The following ITFG1 variants were observed in gnomAD, a reference collection of about 807,000 sequenced individuals.
ITFG1 encodes T-cell immunomodulatory protein.
Under a neutral mutation model 81.8 loss-of-function variants are expected in ITFG1, and 34 were observed. That is an observed-to-expected ratio of 0.42 (90% CI 0.32 to 0.55). The LOEUF is 0.55. Among genes scored for constraint, ITFG1 ranks in the 20% least tolerant of loss-of-function variants. The pLI, the probability that ITFG1 is intolerant of heterozygous loss-of-function variation, is 0.17. For synonymous variants in ITFG1, 285 were observed against 270.6 expected, an observed-to-expected ratio of 1.05 and a Z score of -0.52; for missense variants, 672 against 755.4, an observed-to-expected ratio of 0.89 and a Z score of 1.29.
At chr16:47,187,261 C>A (rs1328057873) in intron 14 of ITFG1, among the ~76,000 whole-genome samples, 7 of 152,192 alleles carry the variant, frequency 4.6e-5, no homozygotes, top group Non-Finnish European at 1.0e-4. Flanking sequence ...GAAAAAACTA[C>A]TTTAACGTTC....
intron 14 of ITFG1, among the ~76,000 whole-genome samples, chr16:47,182,753 T>G (rs1234076246): frequency 6.6e-6 from 1 of 152,202 alleles, no homozygotes; most frequent in Admixed American, 6.5e-5. Context: ...AACTGCTTTG[T>G]AGGTGGGAGG....
At chr16:47,312,465 G>A (rs887392566) in intron 9 of ITFG1, among the ~76,000 whole-genome samples, 1 of 151,782 alleles carries the variant, frequency 6.6e-6, no homozygotes, top group African/African-American at 2.4e-5. Context: ...AATTTACCAG[G>A]GAAAAAGGAA....
chr16:47,451,324 A>G (rs1969385679), intron 5 of ITFG1, 72 bp downstream of exon 5: 2 of 813,816 alleles, frequency 2.5e-6, no homozygotes, highest in East Asian at 2.5e-5. Flanking sequence ...CCAATGAGCT[A>G]TTTTTTCTCC....
Position 47,277,119 on chromosome 16 carries a change from C to T in ITFG1, c.1071-16424G>A, listed in dbSNP as rs993234403. On this transcript the variant is annotated intron_variant, in intron 10 of 17. Coordinates refer to ENST00000320640, the MANE Select transcript of ITFG1 (RefSeq NM_030790.5). The stretch of plus-strand genomic sequence containing the variant: ...AGCCTACTGAATACCACTGAGTTAT[C>T]ATTACTATTGTGGCAGCTTATACAC... Among the ~76,000 whole-genome samples, 6 of 152,126 alleles carry T rather than the reference C, an allele frequency of 3.9e-5. No homozygotes were observed. The South Asian group carries it at 8.3e-4, about 21-fold the overall frequency.
chr16:47,194,504 G>C (rs1965332165), intron 14 of ITFG1, among the ~76,000 whole-genome samples: 1 of 152,108 alleles, frequency 6.6e-6, no homozygotes, highest in Non-Finnish European at 1.5e-5. Flanking sequence ...GTTTATAGAA[G>C]AAAGGGCTAA....
chr16:47,224,099 A>C (rs1965729813), intron 13 of ITFG1, among the ~76,000 whole-genome samples: 2 of 151,772 alleles, frequency 1.3e-5, no homozygotes, highest in African/African-American at 4.8e-5. Context: ...GCATTGGGAG[A>C]TACACCTAAT....
chr16:47,404,541 G>T (rs1240194663), intron 6 of ITFG1, among the ~76,000 whole-genome samples: 1 of 152,128 alleles, frequency 6.6e-6, no homozygotes, highest in Non-Finnish European at 1.5e-5. Flanking sequence ...ATTCTAGCAT[G>T]TCTCTGATAA....
At chr16:47,383,233 A>C (rs1021216857) in intron 6 of ITFG1, among the ~76,000 whole-genome samples, 1 of 152,216 alleles carries the variant, frequency 6.6e-6, no homozygotes, top group Non-Finnish European at 1.5e-5. Context: ...AAATAACTGG[A>C]GAACAGGACC....
intron 5 of ITFG1, among the ~76,000 whole-genome samples, 159 bp from the exon 6 acceptor site, chr16:47,429,057 T>C (rs913140980): frequency 1.3e-5 from 2 of 152,234 alleles, no homozygotes; most frequent in Admixed American, 1.3e-4. Flanking sequence ...TGGTTTTTAG[T>C]ATGTTCACAG....
intron 5 of ITFG1, among the ~76,000 whole-genome samples, chr16:47,440,747 A>C (rs1969237100): frequency 6.6e-6 from 1 of 152,218 alleles, no homozygotes; most frequent in Admixed American, 6.5e-5. Flanking sequence ...AAGATCTAAA[A>C]TTGACACCCT....
chr16:47,204,390 A>G (rs1965466175), intron 14 of ITFG1, among the ~76,000 whole-genome samples: 2 of 152,188 alleles, frequency 1.3e-5, no homozygotes, highest in African/African-American at 4.8e-5. Context: ...AAACTAGCTG[A>G]CTTTATAAGC....
intron 8 of ITFG1, among the ~76,000 whole-genome samples, chr16:47,362,780 C>T (rs1394421356): frequency 6.6e-6 from 1 of 152,166 alleles, no homozygotes; most frequent in East Asian, 1.9e-4. Context: ...CAATGAAATG[C>T]AGTTTGGTTT....
chr16:47,395,544 T>C (rs1268220570), intron 6 of ITFG1, among the ~76,000 whole-genome samples: 1 of 152,228 alleles, frequency 6.6e-6, no homozygotes, highest in African/African-American at 2.4e-5. Flanking sequence ...CTAGTAAAAG[T>C]TAAAATGTCA....
chr16:47,352,380 C>T (rs1967973264), intron 8 of ITFG1, among the ~76,000 whole-genome samples: 1 of 152,076 alleles, frequency 6.6e-6, no homozygotes, highest in Non-Finnish European at 1.5e-5. Context: ...CAAACAACCC[C>T]ATCAAAAAGT....
chr16:47,454,465 C>T (rs1190928336), intron 2 of ITFG1, among the ~76,000 whole-genome samples: 1 of 152,136 alleles, frequency 6.6e-6, no homozygotes, highest in South Asian at 2.1e-4. Flanking sequence ...TTGTCAAGGA[C>T]ACCAAGACAT....
intron 10 of ITFG1, among the ~76,000 whole-genome samples, chr16:47,288,683 G>T (rs1966879755): frequency 1.3e-5 from 2 of 151,884 alleles, no homozygotes; most frequent in South Asian, 4.2e-4. Context: ...AAGATTACTT[G>T]AGCTCAGGAG....
intron 8 of ITFG1, among the ~76,000 whole-genome samples, chr16:47,361,017 C>T (rs1471216986): frequency 6.6e-6 from 1 of 152,154 alleles, no homozygotes; most frequent in Non-Finnish European, 1.5e-5. Context: ...ATGACACTAT[C>T]TTTAAGTTGT....
intron 14 of ITFG1, among the ~76,000 whole-genome samples, chr16:47,178,086 G>A (rs1361434136): frequency 6.6e-5 from 10 of 152,180 alleles, no homozygotes; most frequent in Non-Finnish European, 1.5e-4. Context: ...TTAGGCTATA[G>A]TCACCTGACA....
At chr16:47,431,124 T>C (rs1460699818) in intron 5 of ITFG1, among the ~76,000 whole-genome samples, 1 of 152,244 alleles carries the variant, frequency 6.6e-6, no homozygotes, top group Non-Finnish European at 1.5e-5. Context: ...ATATTCATAA[T>C]AGTTAAATCT....
Sources: gnomAD v4.1 joint callset for allele counts (sites outside exome capture counted in the v4.1 genomes callset) on GRCh38, gnomAD v4.1.1 for gene constraint, MANE v1.5 for transcripts, NCBI Gene and HGNC (gene_info 2026-07-23, HGNC 2026-07-21) for gene names.